PLCZ1: variants seen among roughly 807,000 people sequenced by gnomAD.
PLCZ1 encodes 1-phosphatidylinositol 4,5-bisphosphate phosphodiesterase zeta-1.
A neutral mutation model predicts 76.8 loss-of-function variants in PLCZ1; 64 were observed. The ratio of observed to expected loss-of-function variants is 0.83; its 90% CI spans 0.68 to 1.03. The LOEUF is 1.03. PLCZ1 is among the 50% of genes least tolerant of loss of function. PLCZ1 has a pLI of 0.00. For synonymous variants in PLCZ1, 248 were observed against 230.8 expected (o/e 1.07, Z -0.68); for missense variants, 751 against 713.7 (o/e 1.05, Z -0.60).
the PLCZ1 span, among the ~76,000 whole-genome samples, chr12:18,657,436 C>T: frequency 6.7e-6 from 1 of 148,700 alleles, no homozygotes; most frequent in Non-Finnish European, 1.5e-5. Context: ...AAGACTATAG[C>T]AGAGTAGTAA....
intron 9 of PLCZ1, 143 bp from the exon 10 acceptor site, chr12:18,700,093 A>C: frequency 7.1e-6 from 5 of 701,016 alleles, no homozygotes; most frequent in East Asian, 2.8e-5. Flanking sequence ...TGATTAACTC[A>C]ATATGATTAT....
intron 6 of PLCZ1, among the ~76,000 whole-genome samples, chr12:18,707,748 G>A (rs1484099232): frequency 6.6e-6 from 1 of 152,106 alleles, no homozygotes; most frequent in Non-Finnish European, 1.5e-5. Context: ...TGAGTAGGAA[G>A]TCTAAACTTT....
intron 12 of PLCZ1, chr12:18,693,941 G>A: frequency 6.6e-7 from 1 of 1,521,382 alleles, no homozygotes; most frequent in Non-Finnish European, 9.1e-7. Context: ...GGCTAAAGAT[G>A]ACCTCTCTGG....
At chr12:18,684,069 T>C (rs1952724230) in intron 14 of PLCZ1, 61 bp downstream of exon 14, 2 of 1,573,866 alleles carry the variant, frequency 1.3e-6, no homozygotes, top group East Asian at 4.5e-5. Flanking sequence ...AAAATGTGTC[T>C]TTGATATACA....
At chr12:18,722,088 C>T (rs1345947434) in intron 4 of PLCZ1, among the ~76,000 whole-genome samples, 1 of 152,026 alleles carries the variant, frequency 6.6e-6, no homozygotes, top group East Asian at 1.9e-4. Context: ...AGACACTTCT[C>T]CCATTTTGTC....
At chr12:18,683,993 A>C in intron 14 of PLCZ1, 137 bp downstream of exon 14, 1 of 1,086,794 alleles carries the variant, frequency 9.2e-7, no homozygotes, top group Non-Finnish European at 1.3e-6. Flanking sequence ...CCACAGAGAA[A>C]AAATATGTGT....
chr12:18,646,592 G>A, the PLCZ1 span, among the ~76,000 whole-genome samples: 1 of 152,118 alleles, frequency 6.6e-6, no homozygotes, highest in Non-Finnish European at 1.5e-5. Flanking sequence ...AGGCCACCCA[G>A]TGAACTCAGA....
rs560703840 is a variant in PLCZ1, at chr12:18,710,329, G to C, written c.714+2513C>G. ...TTAGCCATGCAAATATTTGGGAAGA[G>C]TATTTCATATAAAGGGGGAATAGCA... On this transcript the variant is annotated intron_variant, in intron 6 of 14. Transcript: ENST00000266505. Among the ~76,000 whole-genome samples, 28 of 151,540 alleles carry C rather than the reference G, an allele frequency of 1.8e-4. No individual in the cohort carries two copies. In the South Asian group the frequency reaches 5.2e-3, roughly 28 times the overall value.
intron 10 of PLCZ1, among the ~76,000 whole-genome samples, chr12:18,696,979 A>G (rs1456107823): frequency 6.6e-6 from 1 of 152,166 alleles, no homozygotes; most frequent in Non-Finnish European, 1.5e-5. Flanking sequence ...GTTTCTGTAC[A>G]TATTCTTTGT....
At chr12:18,733,757 G>C (rs1416387519) in intron 3 of PLCZ1, among the ~76,000 whole-genome samples, 1 of 152,034 alleles carries the variant, frequency 6.6e-6, no homozygotes, top group Admixed American at 6.6e-5. Context: ...TACCTTTGTA[G>C]AAGATCAGTT....
chr12:18,688,468 A>G (rs1953525223), intron 12 of PLCZ1, among the ~76,000 whole-genome samples: 1 of 152,014 alleles, frequency 6.6e-6, no homozygotes, highest in Non-Finnish European at 1.5e-5. Context: ...ATTTATTAAC[A>G]TATTTTTGTT....
the PLCZ1 span, among the ~76,000 whole-genome samples, chr12:18,665,289 G>A: frequency 1.3e-5 from 2 of 152,112 alleles, no homozygotes; most frequent in Admixed American, 1.3e-4. Context: ...AAGATGGAAA[G>A]AGTTCTGGAG....
chr12:18,693,884 A>C, intron 12 of PLCZ1: 1 of 1,531,978 alleles, frequency 6.5e-7, no homozygotes, highest in Middle Eastern at 2.3e-4. Flanking sequence ...GATTCACACA[A>C]GCAGGATGAC....
intron 5 of PLCZ1, among the ~76,000 whole-genome samples, chr12:18,717,242 A>G (rs974858267): frequency 6.6e-6 from 1 of 152,148 alleles, no homozygotes; most frequent in African/African-American, 2.4e-5. Context: ...CTCTTAAAAA[A>G]ATTAAAATAA....
At chr12:18,685,009 C>T (rs1046064370) in intron 13 of PLCZ1, among the ~76,000 whole-genome samples, 2 of 151,970 alleles carry the variant, frequency 1.3e-5, no homozygotes, top group Non-Finnish European at 2.9e-5. Flanking sequence ...TGAGGCCTCC[C>T]CAGCCATGAG....
chr12:18,690,233 GT>G (rs2137109350), intron 12 of PLCZ1, among the ~76,000 whole-genome samples: 1 of 152,068 alleles, frequency 6.6e-6, no homozygotes, highest in African/African-American at 2.4e-5. Context: ...TTGTTTGTTT[GT>G]TTCTTTGAGA....
the PLCZ1 span, among the ~76,000 whole-genome samples, chr12:18,651,270 CT>C: frequency 6.6e-6 from 1 of 152,044 alleles, no homozygotes; most frequent in Non-Finnish European, 1.5e-5. Context: ...TCCCTTACCT[CT>C]CTCAAATCCT....
At chr12:18,721,236 A>C (rs1469919345) in intron 4 of PLCZ1, among the ~76,000 whole-genome samples, 1 of 152,144 alleles carries the variant, frequency 6.6e-6, no homozygotes, top group Non-Finnish European at 1.5e-5. Flanking sequence ...AGTTTGAAAT[A>C]AGGATTAATC....
In PLCZ1 at chr12:18,707,062, T is replaced by C. The variant is rs78456207; in HGVS notation, c.715-1747A>G. ...TCCCACTGCCTCCTCCTCTGGTGTA[T>C]CAAATCTCTCTCTACTTCCTTCTTA... On this transcript the variant is annotated intron_variant, in intron 6 of 14. Transcript: ENST00000266505. Among the ~76,000 whole-genome samples the C allele has an allele frequency of 8.6e-3, 1,316 of 152,290 alleles. 22 individuals carry two copies. The highest frequency in any genetic ancestry group is 0.03 in the African/African-American group (1,233 of 41,548).
Sources: allele counts gnomAD v4.1 joint callset (sites outside exome capture counted in the v4.1 genomes callset), GRCh38; gene constraint gnomAD v4.1.1; transcripts MANE v1.5; gene names NCBI Gene and HGNC (gene_info 2026-07-23, HGNC 2026-07-21).